ADGRV1: variants seen among roughly 807,000 people sequenced by gnomAD.
ADGRV1 encodes the protein G-protein coupled receptor 98.
ADGRV1 carries 359 observed loss-of-function variants against 596.2 expected under a neutral mutation model. The observed-to-expected ratio is 0.60, with a 90% confidence interval of 0.55 to 0.66. The LOEUF is 0.66. ADGRV1 is among the 30% of genes least tolerant of loss of function. The probability of loss-of-function intolerance (pLI) is 0.00; values close to 1 mark genes in which losing one functional copy is unlikely to be tolerated. For missense variants in ADGRV1, 7,274 were observed against 7,575.6 expected, an observed-to-expected ratio of 0.96 and a Z score of 1.48; for synonymous variants, 2,681 against 2,679.2, an observed-to-expected ratio of 1.00 and a Z score of -0.02.
At chr5:90,595,905 C>T (rs1181112013) in intron 1 of ADGRV1, among the ~76,000 whole-genome samples, 1 of 131,080 alleles carries the variant, frequency 7.6e-6, no homozygotes, top group Non-Finnish European at 1.8e-5. Context: ...CCCCACCTCC[C>T]TCCCGGATGG....
intron 83 of ADGRV1, among the ~76,000 whole-genome samples, chr5:90,959,944 C>T (rs886776218): frequency 2.6e-5 from 4 of 152,130 alleles, no homozygotes; most frequent in South Asian, 2.1e-4. Context: ...TCAAGACCAT[C>T]CTGGCTAACA....
intron 87 of ADGRV1, among the ~76,000 whole-genome samples, chr5:91,103,489 A>T (rs190869730): frequency 6.6e-6 from 1 of 151,512 alleles, no homozygotes; most frequent in African/African-American, 2.4e-5. Context: ...GGGCAGAGCC[A>T]TCAGGGCAGA....
intron 16 of ADGRV1, 118 bp from the exon 17 acceptor site, chr5:90,647,380 T>G (rs1767935310): frequency 3.2e-6 from 3 of 946,754 alleles, no homozygotes; most frequent in South Asian, 2.2e-5. Flanking sequence ...GCTAATTATT[T>G]TGGCAAAGAC....
chr5:90,778,009 G>A lies in ADGRV1; in HGVS notation c.12632G>A (p.Arg4211Gln), dbSNP rs768374513. The A allele has an allele frequency of 3.8e-6, 6 of 1,589,708 alleles. No homozygotes were observed. The highest frequency in any genetic ancestry group is 2.3e-5 in the South Asian group (2 of 87,838). The change falls in exon 62 of 90, where the codon CGA becomes CAA. Residue 4211 changes from arginine (R) to glutamine (Q), a missense_variant. Coordinates refer to ENST00000405460, the MANE Select transcript of ADGRV1 (RefSeq NM_032119.4). Reference sequence around the variant, plus strand: ...GAAACATCAGGAAAACTGACAATGCGAGACGAACAGTCTGCAGTCATTGTA... The same window carrying A: ...GAAACATCAGGAAAACTGACAATGCAAGACGAACAGTCTGCAGTCATTGTA... The part of the protein sequence containing the change: ...FAETSGKLTM[R>Q]DEQSAVIVVI...
At chr5:90,930,945 A>T (rs542686772) in intron 83 of ADGRV1, among the ~76,000 whole-genome samples, 3 of 152,196 alleles carry the variant, frequency 2.0e-5, no homozygotes, top group Admixed American at 6.5e-5. Flanking sequence ...ATATTTTAGT[A>T]TGTTGCATCA....
At chr5:90,786,368 G>T (rs1365501559) in intron 67 of ADGRV1, among the ~76,000 whole-genome samples, 1 of 152,190 alleles carries the variant, frequency 6.6e-6, no homozygotes, top group East Asian at 1.9e-4. Context: ...CCTGCACGTT[G>T]TGCACATGTA....
rs375613551 is a variant in ADGRV1, at chr5:90,753,791, G to C, written c.11339G>C (p.Arg3780Pro). 6.2e-7 allele frequency: 1 copy of C among 1,611,404 alleles called. No individual in the cohort carries two copies. The highest frequency in any genetic ancestry group is 1.3e-5 in the African/African-American group (1 of 74,876). ...TCACCTTTTGGCTTGGTGGGCTGGC[G>C]TGCTGCGTCTGTCTTCATTAGAGTA... The part of the protein sequence containing the change: ...NDSPFGLVGW[R>P]AASVFIRVAE... Residue 3780 changes from arginine to proline, a missense_variant, in exon 54 of 90, where the codon CGT becomes CCT. This residue lies in a region of ADGRV1 where 3,643 missense variants were observed against 3,809.2 expected (regional missense o/e 0.96). Transcript: ENST00000405460.
chr5:90,728,608 C>T, intron 48 of ADGRV1, 61 bp from the exon 49 acceptor site: 1 of 1,380,594 alleles, frequency 7.2e-7, no homozygotes. Context: ...GTATTGATTA[C>T]ATTCTTGCAA....
At position 90,653,365 on chromosome 5, in the gene ADGRV1, C is replaced by G; in HGVS notation, c.3791C>G (p.Ser1264Cys). Reference sequence around the variant, plus strand: ...GATGTCCTGTCTGAAGATGATATGTCTTATATTACCAACTTCACCATTTTG... The same window carrying G: ...GATGTCCTGTCTGAAGATGATATGTGTTATATTACCAACTTCACCATTTTG... The part of the protein sequence containing the change: ...AEDVLSEDDM[S>C]YITNFTILRQ... The change falls in exon 20 of 90, where the codon TCT becomes TGT. Residue 1264 changes from serine to cysteine, a missense_variant. Ser to Cys is a moderately radical substitution (Grantham distance 112). This residue lies in a region of ADGRV1 where 1,715 missense variants were observed against 1,708.8 expected (regional missense o/e 1.00). Transcript: ENST00000405460. 6.2e-7 allele frequency: 1 copy of G among 1,613,844 alleles called. No homozygotes were observed. Among genetic ancestry groups the G allele is most frequent in the Admixed American group, 1.7e-5 (1 of 60,008 alleles).
chr5:90,821,729 G>A lies in ADGRV1; in HGVS notation c.16197-1696G>A, dbSNP rs544815909. Among the ~76,000 whole-genome samples the A allele has an allele frequency of 6.1e-4, 92 of 151,846 alleles. 2 individuals carry two copies. The highest frequency in any genetic ancestry group is 2.1e-3 in the African/African-American group (88 of 41,192). On this transcript the variant is annotated intron_variant, in intron 75 of 89. Coordinates refer to ENST00000405460, the MANE Select transcript of ADGRV1 (RefSeq NM_032119.4). The stretch of plus-strand genomic sequence containing the variant: ...GGGTGCCTCCCAGTTAGGCTGCTTC[G>A]GGGTCAGGGGTCAGGCACCCACTTG...
rs567791655 is a variant in ADGRV1 at position 90,735,655 on chromosome 5, CTT to C, written c.10549+5895_10549+5896del. ...CCTTCAATTCATGAATATGGGATAT[CTT>C]TTTATTTATTTGTGTTTTTTTCTAT... is the stretch of plus-strand genomic sequence containing the variant. On this transcript the variant is annotated intron_variant, in intron 50 of 89. Transcript: ENST00000405460. Among the ~76,000 whole-genome samples the C allele has an allele frequency of 1.5e-4, 23 of 152,088 alleles. No individual in the cohort carries two copies. In the South Asian group the frequency reaches 3.9e-3, roughly 26 times the overall value.
intron 52 of ADGRV1, among the ~76,000 whole-genome samples, 198 bp from the exon 53 acceptor site, chr5:90,750,353 A>C (rs1255656359): frequency 2.6e-5 from 4 of 152,324 alleles, no homozygotes; most frequent in African/African-American, 9.6e-5. Context: ...ACTTTCACTT[A>C]GTCTGTTACT....
intron 53 of ADGRV1, among the ~76,000 whole-genome samples, chr5:90,753,102 C>T (rs1755446961): frequency 6.6e-6 from 1 of 152,104 alleles, no homozygotes; most frequent in African/African-American, 2.4e-5. Flanking sequence ...TGTATCTCTC[C>T]CTATCTTTCT....
At position 90,854,845 on chromosome 5, in the gene ADGRV1, C is replaced by T. The variant is rs192665573; in HGVS notation, c.17594+644C>T. On this transcript the variant is annotated intron_variant, in intron 81 of 89. Coordinates refer to ENST00000405460, the MANE Select transcript of ADGRV1 (RefSeq NM_032119.4). ...AATTTCAGCCACACAAACTAAAATT[C>T]TAAATAGGTTTAATACAATAGCTTA... is the stretch of plus-strand genomic sequence containing the variant. 6.5e-3 allele frequency among the ~76,000 whole-genome samples: 991 copies of T among 152,196 alleles called. 5 individuals are homozygous for T. The highest frequency in any genetic ancestry group is 8.2e-3 in the Non-Finnish European group (555 of 68,002).
At chr5:91,094,445 T>G (rs1295893453) in intron 86 of ADGRV1, among the ~76,000 whole-genome samples, 3 of 143,542 alleles carry the variant, frequency 2.1e-5, no homozygotes, top group African/African-American at 8.0e-5. Context: ...GGCAACAGAG[T>G]GAGAGTCCTT....
chr5:90,953,623 T>C (rs916973854), intron 83 of ADGRV1, among the ~76,000 whole-genome samples: 19 of 152,014 alleles, frequency 1.2e-4, no homozygotes, highest in African/African-American at 4.6e-4. Context: ...TGATATTTCT[T>C]CTCTAACAGT....
Position 90,676,214 on chromosome 5 carries a change from G to A in ADGRV1, c.5443+5G>A, listed in dbSNP as rs1773250109. The A allele has an allele frequency of 6.3e-7, 1 of 1,595,648 alleles. No individual in the cohort carries two copies. Among genetic ancestry groups the A allele is most frequent in the African/African-American group, 1.4e-5 (1 of 73,772 alleles). Reference sequence around the variant, plus strand: ...TGTTAAACTTGGAAGGAGGAGGTAAGGCTGGTGATTCAAAAATGTTAAATA... The same window carrying A: ...TGTTAAACTTGGAAGGAGGAGGTAAAGCTGGTGATTCAAAAATGTTAAATA... On this transcript the variant is annotated splice_donor_5th_base_variant and intron_variant, in intron 25 of 89. Coordinates refer to ENST00000405460, the MANE Select transcript of ADGRV1 (RefSeq NM_032119.4).
intron 70 of ADGRV1, among the ~76,000 whole-genome samples, chr5:90,797,106 A>C (rs563974867): frequency 2.0e-5 from 3 of 152,256 alleles, no homozygotes; most frequent in Admixed American, 6.5e-5. Flanking sequence ...GACATGATCA[A>C]ATTCACACAT....
In ADGRV1 at chr5:90,808,207, T is replaced by G. The variant is rs555213550; in HGVS notation, c.14972+470T>G. Among the ~76,000 whole-genome samples the G allele has an allele frequency of 2.0e-4, 31 of 152,330 alleles. No individual in the cohort carries two copies. The East Asian group carries it at 3.3e-3, about 16-fold the overall frequency. ...TATCTATAATGACTGTTTCTGCAAA[T>G]ACAGTATATTTGCAGATAAATACGT... On this transcript the variant is annotated intron_variant, in intron 73 of 89. Transcript: ENST00000405460.
Sources: gnomAD v4.1 joint callset for allele counts (sites outside exome capture counted in the v4.1 genomes callset) on GRCh38, gnomAD v4.1.1 for gene constraint, gnomAD v4.1.1 regional missense constraint, MANE v1.5 for transcripts, NCBI Gene and HGNC (gene_info 2026-07-23, HGNC 2026-07-21) for gene names.